The following COL4A5 variants were observed in gnomAD, a reference collection of about 807,000 sequenced individuals.
The protein encoded by COL4A5 is collagen alpha-5(IV) chain.
In COL4A5, 26 loss-of-function variants were observed where a neutral mutation model predicts 130.2. The observed-to-expected ratio is 0.20, with a 90% CI of 0.15 to 0.28. COL4A5 has a LOEUF of 0.28. Among genes scored for constraint, COL4A5 ranks in the 10% least tolerant of loss-of-function variants. The pLI, the probability that COL4A5 is intolerant of heterozygous loss-of-function variation, is 1.00. For missense variants in COL4A5, 1,131 were observed against 1,344.3 expected (o/e 0.84, Z 2.48); for synonymous variants, 496 against 439.6 (o/e 1.13, Z -1.60).
intron 28 of COL4A5, 61 bp downstream of exon 28, chrX:108,603,122 T>C: frequency 1.3e-6 from 1 of 745,436 alleles, no homozygotes; most frequent in Non-Finnish European, 2.0e-6. Context: ...TCCTTATTTC[T>C]AGCTCTCTAT....
chrX:108,537,502 G>C (rs1223965623), intron 1 of COL4A5, among the ~76,000 whole-genome samples: 1 of 111,235 alleles, frequency 9.0e-6, no homozygotes, highest in Non-Finnish European at 1.9e-5. Context: ...TAGGAGTTAG[G>C]GGCTATCGTT....
At chrX:108,664,294 G>A (rs1041680127) in intron 37 of COL4A5, among the ~76,000 whole-genome samples, 1 of 111,966 alleles carries the variant, frequency 8.9e-6, no homozygotes, top group Non-Finnish European at 1.9e-5. Context: ...TTTGATAAAG[G>A]TATCAAATAA....
chrX:108,566,098 G>T (rs2065964902), intron 4 of COL4A5, among the ~76,000 whole-genome samples: 1 of 108,660 alleles, frequency 9.2e-6, no homozygotes, highest in Non-Finnish European at 1.9e-5. Context: ...GGCACCCATG[G>T]ATGGTCATTA....
In COL4A5 at chrX:108,695,595, A is replaced by G. The variant is rs900917232; in HGVS notation, c.4994+156A>G. 549 of 575,387 alleles carry G rather than the reference A, an allele frequency of 9.5e-4. 3 individuals are homozygous for G. Among genetic ancestry groups the G allele is most frequent in the Non-Finnish European group, 1.2e-3 (420 of 359,480 alleles). 47.4% of individuals were successfully genotyped at this position (575,387 alleles called of 1,213,427 possible). A position where few individuals can be genotyped will look rare whatever the true frequency, so the allele number is the denominator to read the frequency against. On this transcript the variant is annotated intron_variant, in intron 52 of 52. Transcript: ENST00000328300. ...CTTGTTCTTCTCATATACATGACTC[A>G]GGTCAGAAAAACAGACTTGATTATT...
rs780961456 is a variant in COL4A5, at chrX:108,580,719, A to C, written c.872A>C (p.Gln291Pro). 4.1e-6 allele frequency: 5 copies of C among 1,208,943 alleles called. No individual in the cohort carries two copies. In the African/African-American group the frequency reaches 8.8e-5, roughly 21 times the overall value. ...PGGEKGEKGE[Q>P]GEPGKRGKPG... ...GGTGAGAAAGGTGAGAAGGGTGAGCAAGGAGAGCCAGGCAAAAGAGTAAGT... is the reference window on the plus strand; with the variant it reads ...GGTGAGAAAGGTGAGAAGGGTGAGCCAGGAGAGCCAGGCAAAAGAGTAAGT... The change falls in exon 15 of 53, where the codon CAA (glutamine) becomes CCA (proline). Residue 291 changes from glutamine to proline, a missense_variant. Physicochemically the swap from Gln to Pro is moderately conservative, Grantham distance 76. Transcript: ENST00000328300.
chrX:108,624,242 C>T lies in COL4A5; in HGVS notation c.2924C>T (p.Pro975Leu). The T allele has an allele frequency of 2.5e-6, 3 of 1,206,924 alleles. No individual in the cohort carries two copies. The highest frequency in any genetic ancestry group is 3.4e-6 in the Non-Finnish European group (3 of 891,578). The change falls in exon 34 of 53, where the codon CCT becomes CTT. Residue 975 changes from proline (P) to leucine (L), a missense_variant. Physicochemically the swap from Pro to Leu is moderately conservative, Grantham distance 98 (BLOSUM62 -3). Transcript: ENST00000328300. Reference sequence around the variant, plus strand: ...TTCTACTCATTCTTGGAAGGTATACCTGGAGTTTCAGGGCCAAAAGGTTAT... The same window carrying T: ...TTCTACTCATTCTTGGAAGGTATACTTGGAGTTTCAGGGCCAAAAGGTTAT... ...EKGEPGLPGIPGVSGPKGYQG... is the reference protein window; with the variant it reads ...EKGEPGLPGILGVSGPKGYQG...
intron 42 of COL4A5, 49 bp from the exon 43 acceptor site, chrX:108,674,696 A>G (rs202092106): frequency 8.2e-5 from 96 of 1,173,463 alleles, no homozygotes; most frequent in East Asian, 1.5e-4. Context: ...GTGATGTCTG[A>G]TACTGCTAAC....
At chrX:108,486,147 A>G (rs748826425) in intron 1 of COL4A5, among the ~76,000 whole-genome samples, 4 of 111,374 alleles carry the variant, frequency 3.6e-5, no homozygotes, top group African/African-American at 1.3e-4. Context: ...TCCTAAGCAC[A>G]TGTATTCTCT....
At chrX:108,527,306 C>CT (rs924298256) in intron 1 of COL4A5, among the ~76,000 whole-genome samples, 6 of 110,970 alleles carry the variant, frequency 5.4e-5, no homozygotes, top group African/African-American at 2.0e-4. Flanking sequence ...CTCTATTTAT[C>CT]TTTTTTAAAG....
intron 1 of COL4A5, among the ~76,000 whole-genome samples, chrX:108,519,308 A>G (rs1390289091): frequency 1.8e-5 from 2 of 111,208 alleles, no homozygotes; most frequent in African/African-American, 6.5e-5. Flanking sequence ...CAAGTTTATG[A>G]GACTCATGGG....
At chrX:108,694,757 C>T (rs200868517) in intron 50 of COL4A5, 50 bp from the exon 51 acceptor site, 8 of 992,563 alleles carry the variant, frequency 8.1e-6, no homozygotes, top group Non-Finnish European at 1.1e-5. Flanking sequence ...ATGGCTACTT[C>T]TCACATGCTC....
rs759343641 is a variant in COL4A5, at chrX:108,507,108, C to G, written c.82-32638C>G. 8.2e-5 allele frequency among the ~76,000 whole-genome samples: 9 copies of G among 109,353 alleles called. No individual in the cohort carries two copies. The South Asian group carries it at 3.6e-3, about 44-fold the overall frequency. 95.0% of individuals were successfully genotyped at this position (109,353 alleles called of 115,157 possible). On this transcript the variant is annotated intron_variant, in intron 1 of 52. Transcript: ENST00000328300. ...AGGTGGATTCACAGCCGAATTCTAC[C>G]AGATGTACAAAGAAGGGATGACACT...
intron 2 of COL4A5, among the ~76,000 whole-genome samples, chrX:108,552,261 C>T (rs1171285952): frequency 8.9e-6 from 1 of 111,930 alleles, no homozygotes; most frequent in Non-Finnish European, 1.9e-5. Context: ...CTTTTTAAGA[C>T]TGACTTTTGT....
At chrX:108,512,578 A>G (rs112681725) in intron 1 of COL4A5, among the ~76,000 whole-genome samples, 1 of 109,875 alleles carries the variant, frequency 9.1e-6, no homozygotes, top group African/African-American at 3.3e-5. Flanking sequence ...TCCGGGGGAG[A>G]CATCACATGT....
chrX:108,649,495 G>C (rs2067676893), intron 36 of COL4A5, among the ~76,000 whole-genome samples: 1 of 111,980 alleles, frequency 8.9e-6, no homozygotes, highest in African/African-American at 3.2e-5. Flanking sequence ...CACACTACCT[G>C]AGTTCAAACT....
chrX:108,685,072 C>T (rs928122163), intron 47 of COL4A5, among the ~76,000 whole-genome samples: 1 of 111,967 alleles, frequency 8.9e-6, no homozygotes, highest in African/African-American at 3.3e-5. Context: ...GCTAAAAACT[C>T]TCAATAAAGT....
At chrX:108,682,277 C>T (rs910032564) in intron 47 of COL4A5, among the ~76,000 whole-genome samples, 1 of 112,164 alleles carries the variant, frequency 8.9e-6, no homozygotes, top group Non-Finnish European at 1.9e-5. Flanking sequence ...GCCACATTTT[C>T]TTTATCCAGC....
chrX:108,669,282 A>G (rs914444459), intron 41 of COL4A5, among the ~76,000 whole-genome samples: 2 of 112,453 alleles, frequency 1.8e-5, no homozygotes, highest in African/African-American at 6.5e-5. Flanking sequence ...TTCAAATTTT[A>G]TATTTCTGGT....
chrX:108,605,916 T>C (rs750502785), intron 28 of COL4A5, among the ~76,000 whole-genome samples: 1 of 112,266 alleles, frequency 8.9e-6, no homozygotes, highest in East Asian at 2.8e-4. Context: ...AATACTGTGT[T>C]TGAGTTACTT....
Sources: allele counts gnomAD v4.1 joint callset (sites outside exome capture counted in the v4.1 genomes callset), GRCh38; gene constraint gnomAD v4.1.1; transcripts MANE v1.5; gene names NCBI Gene and HGNC (gene_info 2026-07-23, HGNC 2026-07-21).